STEAP3: variants seen among roughly 807,000 people sequenced by gnomAD.
STEAP3 encodes the protein metalloreductase STEAP3.
In STEAP3, 35 loss-of-function variants were observed where a neutral mutation model predicts 34.9. The ratio of observed to expected loss-of-function variants is 1.00; its 90% CI spans 0.76 to 1.33. The LOEUF (loss-of-function observed/expected upper bound fraction) is 1.33, where lower values mean the gene tolerates loss of function less well. Ranked by LOEUF, STEAP3 falls within the 40% of genes most tolerant of loss-of-function variation. The pLI, the probability that STEAP3 is intolerant of heterozygous loss-of-function variation, is 0.00. For synonymous variants in STEAP3, 281 were observed against 301.6 expected, an observed-to-expected ratio of 0.93 and a Z score of 0.71; for missense variants, 652 against 667.6, an observed-to-expected ratio of 0.98 and a Z score of 0.26.
At chr2:119,239,638 G>A (rs1447084110) in intron 2 of STEAP3, among the ~76,000 whole-genome samples, 2 of 152,154 alleles carry the variant, frequency 1.3e-5, no homozygotes, top group Non-Finnish European at 2.9e-5. Flanking sequence ...TCTTTCTGAA[G>A]CGCTTTTCTT....
At chr2:119,228,462 C>G (rs555930601) in intron 1 of STEAP3, among the ~76,000 whole-genome samples, 2 of 152,344 alleles carry the variant, frequency 1.3e-5, no homozygotes, top group African/African-American at 4.8e-5. Context: ...ATCGCCCCAA[C>G]CTGGGTGAAA....
At chr2:119,252,108 C>T (rs746043836) in intron 4 of STEAP3, among the ~76,000 whole-genome samples, 1 of 152,118 alleles carries the variant, frequency 6.6e-6, no homozygotes, top group South Asian at 2.1e-4. Context: ...GAGGAGTGCA[C>T]GTAGAGCTTG....
At chr2:119,239,222 C>G (rs56022595) in intron 2 of STEAP3, 7,992 of 152,400 alleles carry the variant, frequency 0.052, 282 homozygotes, top group Middle Eastern at 0.1. Context: ...CTTTCCCTCT[C>G]TACACGTTTT....
chr2:119,260,880 A>T (rs1203506590), intron 5 of STEAP3, among the ~76,000 whole-genome samples: 1 of 152,222 alleles, frequency 6.6e-6, no homozygotes, highest in Non-Finnish European at 1.5e-5. Context: ...AAGTTGTTAA[A>T]GACTGGGCCA....
In STEAP3 at chr2:119,263,271, G is replaced by A. The variant is rs751932904; in HGVS notation, c.1430G>A (p.Arg477Lys). The A allele has an allele frequency of 6.2e-7, 1 of 1,614,078 alleles. No homozygotes were observed. Among genetic ancestry groups the A allele is most frequent in the Non-Finnish European group, 8.5e-7 (1 of 1,180,028 alleles). The change falls in exon 6 of 6, where the codon AGG becomes AAG. Residue 477 changes from arginine to lysine, a missense_variant. By Grantham distance (26) the Arg-to-Lys change is conservative. Transcript: ENST00000393110. ...RLARIRRGWE[R>K]ESTIKFTLPT... Reference sequence around the variant, plus strand: ...GCCAGGATCCGGAGAGGCTGGGAGAGGGAGAGCACCATCAAGTTCACGCTG... The same window carrying A: ...GCCAGGATCCGGAGAGGCTGGGAGAAGGAGAGCACCATCAAGTTCACGCTG...
chr2:119,248,046 A>C lies in STEAP3; in HGVS notation c.890A>C (p.Lys297Thr). The change falls in exon 4 of 6, where the codon AAG (lysine) becomes ACG (threonine). Residue 297 changes from lysine to threonine, a missense_variant. Transcript: ENST00000393110. The stretch of plus-strand genomic sequence containing the variant: ...GCCCTGCAGCTGCGGCGCGGCACCA[A>C]GTACCAGCGCTTCCCCGACTGGCTG... Reference protein sequence around the residue: ...AAALQLRRGTKYQRFPDWLDH... With the variant: ...AAALQLRRGTTYQRFPDWLDH... 1 of 1,609,094 alleles carries C rather than the reference A, an allele frequency of 6.2e-7. No homozygotes were observed. Among genetic ancestry groups the C allele is most frequent in the South Asian group, 1.1e-5 (1 of 91,068 alleles).
In STEAP3 at chr2:119,230,961, C is replaced by T; in HGVS notation, c.-52C>T. On this transcript the variant is annotated 5_prime_UTR_variant, in exon 2 of 6. Transcript: ENST00000393110. Reference sequence around the variant, plus strand: ...CTGAGCCAGAAAGGGTGGCTCACCTCACGGTGAGGCTGTCGAGTGACCTGA... The same window carrying T: ...CTGAGCCAGAAAGGGTGGCTCACCTTACGGTGAGGCTGTCGAGTGACCTGA... 1 of 1,612,042 alleles carries T rather than the reference C, an allele frequency of 6.2e-7. No individual in the cohort carries two copies. The highest frequency in any genetic ancestry group is 8.5e-7 in the Non-Finnish European group (1 of 1,178,048).
intron 5 of STEAP3, among the ~76,000 whole-genome samples, chr2:119,257,959 A>C (rs142009648): frequency 0.016 from 2,513 of 152,310 alleles, 71 homozygotes; most frequent in African/African-American, 0.058. Context: ...TTTATTAAGA[A>C]AGCAAAGGAA....
chr2:119,254,882 G>T lies in STEAP3; in HGVS notation c.1215+34G>T, dbSNP rs201454394. 67 of 1,604,126 alleles carry T rather than the reference G, an allele frequency of 4.2e-5. 1 individual carries two copies. In the East Asian group the frequency reaches 1.5e-3, roughly 35 times the overall value. On this transcript the variant is annotated intron_variant, in intron 5 of 5. Transcript: ENST00000393110. Reference sequence around the variant, plus strand: ...GTCTCTAGTCTGCCAGCCAGCTTCAGCGTGGCCCTGGCCCACCTCTCATGA... The same window carrying T: ...GTCTCTAGTCTGCCAGCCAGCTTCATCGTGGCCCTGGCCCACCTCTCATGA...
At chr2:119,231,777 A>G (rs1676945064) in intron 2 of STEAP3, among the ~76,000 whole-genome samples, 1 of 152,228 alleles carries the variant, frequency 6.6e-6, no homozygotes, top group Admixed American at 6.5e-5. Context: ...ATTACAAGAA[A>G]TATAACAGTA....
At chr2:119,228,374 T>C (rs1573534765) in intron 1 of STEAP3, among the ~76,000 whole-genome samples, 1 of 152,092 alleles carries the variant, frequency 6.6e-6, no homozygotes, top group Non-Finnish European at 1.5e-5. Context: ...GCTTTCTGGG[T>C]GACTGCCCAG....
chr2:119,242,710 T>A (rs1469836490), intron 2 of STEAP3, among the ~76,000 whole-genome samples: 1 of 152,224 alleles, frequency 6.6e-6, no homozygotes, highest in Non-Finnish European at 1.5e-5. Flanking sequence ...ATTGACTTAT[T>A]TACTCCTACA....
At chr2:119,233,264 C>T (rs891847501) in intron 2 of STEAP3, among the ~76,000 whole-genome samples, 4 of 152,244 alleles carry the variant, frequency 2.6e-5, no homozygotes, top group African/African-American at 9.6e-5. Context: ...GGCTGCACCT[C>T]AATGCACCTT....
At chr2:119,256,253 T>C (rs909179268) in intron 5 of STEAP3, among the ~76,000 whole-genome samples, 1 of 152,204 alleles carries the variant, frequency 6.6e-6, no homozygotes, top group Non-Finnish European at 1.5e-5. Flanking sequence ...TTTTTTAAAG[T>C]GTGTCTGCCT....
intron 2 of STEAP3, 167 bp from the exon 3 acceptor site, chr2:119,245,322 T>G: frequency 1.9e-5 from 17 of 902,954 alleles, no homozygotes; most frequent in Non-Finnish European, 2.5e-5. Context: ...GAAGGGGCTG[T>G]GTTGTGTTCA....
At chr2:119,253,649 A>G (rs1202733651) in intron 4 of STEAP3, among the ~76,000 whole-genome samples, 1 of 152,236 alleles carries the variant, frequency 6.6e-6, no homozygotes. Flanking sequence ...CTTGACTTCC[A>G]GGAACTCTGC....
chr2:119,245,117 A>C, intron 2 of STEAP3: 1 of 222,350 alleles, frequency 4.5e-6, no homozygotes, highest in Non-Finnish European at 9.0e-6. Context: ...ACTCCTGGCT[A>C]GTGACACTGT....
intron 5 of STEAP3, among the ~76,000 whole-genome samples, chr2:119,261,606 G>T (rs758949748): frequency 5.9e-5 from 9 of 152,118 alleles, no homozygotes; most frequent in African/African-American, 2.2e-4. Flanking sequence ...ACTACTCAGC[G>T]CTTCCCCCTC....
At chr2:119,224,704 A>G (rs114250531) in intron 1 of STEAP3, among the ~76,000 whole-genome samples, 2,680 of 152,280 alleles carry the variant, frequency 0.018, 82 homozygotes, top group African/African-American at 0.061. Flanking sequence ...CACCTCAGAG[A>G]TGGGCTCCAG....
Sources: allele counts gnomAD v4.1 joint callset (sites outside exome capture counted in the v4.1 genomes callset), GRCh38; gene constraint gnomAD v4.1.1; transcripts MANE v1.5; gene names NCBI Gene and HGNC (gene_info 2026-07-23, HGNC 2026-07-21).